Variants in SLC39A11 observed in about 807,000 individuals in gnomAD.
The protein encoded by SLC39A11 is zinc transporter ZIP11.
In SLC39A11, 33 loss-of-function variants were observed where a neutral mutation model predicts 36.1. The ratio of observed to expected loss-of-function variants is 0.91; its 90% confidence interval spans 0.69 to 1.22. The LOEUF is 1.22. Among genes scored for constraint, SLC39A11 ranks in the 50% most tolerant of loss-of-function variants. The probability of loss-of-function intolerance (pLI) is 0.00; values close to 1 mark genes in which losing one functional copy is unlikely to be tolerated. For missense variants in SLC39A11, 432 were observed against 430.3 expected, an observed-to-expected ratio of 1.00 and a Z score of -0.03; for synonymous variants, 166 against 170.3, an observed-to-expected ratio of 0.97 and a Z score of 0.20.
chr17:72,756,424 A>T (rs1287177193), intron 6 of SLC39A11, among the ~76,000 whole-genome samples: 1 of 152,252 alleles, frequency 6.6e-6, no homozygotes, highest in Non-Finnish European at 1.5e-5. Flanking sequence ...AATGTGGTAT[A>T]TCCACACAAT....
chr17:73,004,383 G>A (rs1347710751), intron 4 of SLC39A11, among the ~76,000 whole-genome samples: 2 of 152,140 alleles, frequency 1.3e-5, no homozygotes, highest in Non-Finnish European at 2.9e-5. Context: ...CCAGAGGGCC[G>A]TCTTCTTGCC....
chr17:72,971,085 T>A lies in SLC39A11; in HGVS notation c.307-23210A>T, dbSNP rs769935524. Among the ~76,000 whole-genome samples the A allele has an allele frequency of 2.0e-5, 3 of 152,160 alleles. No individual in the cohort carries two copies. In the East Asian group the frequency reaches 5.8e-4, roughly 29 times the overall value. ...CTCTGAATCACCCAGACCTCTTGTTTCTCCAATTCCCTGCTTTCTGATCAG... is the reference window on the plus strand; with the variant it reads ...CTCTGAATCACCCAGACCTCTTGTTACTCCAATTCCCTGCTTTCTGATCAG... On this transcript the variant is annotated intron_variant, in intron 4 of 9. Coordinates refer to ENST00000255559, the MANE Select transcript of SLC39A11 (RefSeq NM_139177.4).
At chr17:72,655,477 C>T (rs571978390) in intron 7 of SLC39A11, among the ~76,000 whole-genome samples, 7 of 152,322 alleles carry the variant, frequency 4.6e-5, no homozygotes, top group South Asian at 4.1e-4. Context: ...GGTTTATTGC[C>T]GTGGCATTGG....
At chr17:72,776,138 G>A (rs1205079995) in intron 6 of SLC39A11, among the ~76,000 whole-genome samples, 4 of 152,198 alleles carry the variant, frequency 2.6e-5, no homozygotes, top group Non-Finnish European at 5.9e-5. Context: ...GTGCCAGATG[G>A]CGGATTGGAG....
rs553034462 is a variant in SLC39A11, at chr17:72,873,505, T to C, written c.431-23701A>G. Among the ~76,000 whole-genome samples the C allele has an allele frequency of 4.9e-4, 74 of 152,228 alleles. 1 individual carries two copies. Among genetic ancestry groups the C allele is most frequent in the Non-Finnish European group, 1.0e-3 (68 of 68,040 alleles). ...TCAAACTCTTTCTCTTCTGCAACTC[T>C]TGCCATTAAGTGTTTGGCTTTTCTG... On this transcript the variant is annotated intron_variant, in intron 5 of 9. Coordinates refer to ENST00000255559, the MANE Select transcript of SLC39A11 (RefSeq NM_139177.4).
At chr17:72,784,920 T>C (rs8074502) in intron 6 of SLC39A11, among the ~76,000 whole-genome samples, 27,202 of 150,370 alleles carry the variant, frequency 0.18, 3,548 homozygotes, top group African/African-American at 0.37. Context: ...AGTGCAGTGG[T>C]GCAATCTTGG....
At chr17:72,992,494 A>AT (rs2089243192) in intron 4 of SLC39A11, among the ~76,000 whole-genome samples, 1 of 152,116 alleles carries the variant, frequency 6.6e-6, no homozygotes, top group African/African-American at 2.4e-5. Flanking sequence ...AGTTTGTTCA[A>AT]TTTTTTTACT....
In SLC39A11 at chr17:72,709,155, G is replaced by A. The variant is rs146529503; in HGVS notation, c.671+27495C>T. 7.4e-3 allele frequency among the ~76,000 whole-genome samples: 1,120 copies of A among 152,262 alleles called. 7 individuals are homozygous for A. The highest frequency in any genetic ancestry group is 0.023 in the African/African-American group (949 of 41,548). On this transcript the variant is annotated intron_variant, in intron 7 of 9. Coordinates refer to ENST00000255559, the MANE Select transcript of SLC39A11 (RefSeq NM_139177.4). ...GGGTTTCACCATCTTAGCCAGGATC[G>A]TCTCAATCTTCTGACCTCGTGATCC...
chr17:72,740,253 C>T (rs557679897), intron 6 of SLC39A11, among the ~76,000 whole-genome samples: 8 of 151,670 alleles, frequency 5.3e-5, no homozygotes, highest in South Asian at 2.1e-4. Flanking sequence ...TTAGTAGAGA[C>T]GGGGTTTCAC....
rs553645813 is a variant in SLC39A11, at chr17:73,033,552, G to A, written c.148-1838C>T. ...GAGCCCAGGAGTTCAAGGCCAGCCT[G>A]GGCAACATAGCGAGACTCTGCCTCT... is the stretch of plus-strand genomic sequence containing the variant. On this transcript the variant is annotated intron_variant, in intron 3 of 9. Coordinates refer to ENST00000255559, the MANE Select transcript of SLC39A11 (RefSeq NM_139177.4). Among the ~76,000 whole-genome samples the A allele has an allele frequency of 1.2e-4, 19 of 152,244 alleles. No individual in the cohort carries two copies. The South Asian group carries it at 3.7e-3, about 30-fold the overall frequency.
intron 5 of SLC39A11, among the ~76,000 whole-genome samples, chr17:72,862,077 T>C (rs1475180992): frequency 1.3e-5 from 2 of 151,978 alleles, no homozygotes; most frequent in Non-Finnish European, 1.5e-5. Context: ...GGGAAATACA[T>C]CTCTTTCTCT....
chr17:72,988,842 G>A (rs1315360414), intron 4 of SLC39A11, among the ~76,000 whole-genome samples: 2 of 152,102 alleles, frequency 1.3e-5, no homozygotes, highest in Admixed American at 6.6e-5. Flanking sequence ...CTGAGTAGCT[G>A]GGATTACAGG....
chr17:73,077,367 G>A (rs1013880739), intron 3 of SLC39A11, among the ~76,000 whole-genome samples: 1 of 152,202 alleles, frequency 6.6e-6, no homozygotes, highest in Admixed American at 6.5e-5. Context: ...GCCCAGGCTG[G>A]AGTGCAATGG....
chr17:72,951,097 T>TAA (rs761429572), intron 4 of SLC39A11, among the ~76,000 whole-genome samples: 3,197 of 139,422 alleles, frequency 0.023, 90 homozygotes, highest in East Asian at 0.12. Context: ...CCCCATTTCT[T>TAA]AAAAAAAAAA....
At chr17:72,918,757 G>C (rs776353788) in intron 5 of SLC39A11, among the ~76,000 whole-genome samples, 2 of 152,068 alleles carry the variant, frequency 1.3e-5, no homozygotes, top group African/African-American at 2.4e-5. Context: ...AAGGGCCCCC[G>C]GCCAGCCTTA....
chr17:72,759,563 G>A (rs914096664), intron 6 of SLC39A11, among the ~76,000 whole-genome samples: 3 of 152,160 alleles, frequency 2.0e-5, no homozygotes, highest in Non-Finnish European at 2.9e-5. Flanking sequence ...CTGGTTGAGT[G>A]GCTACTCAGT....
intron 5 of SLC39A11, among the ~76,000 whole-genome samples, chr17:72,914,419 A>G (rs1031714235): frequency 1.3e-5 from 2 of 152,248 alleles, no homozygotes; most frequent in African/African-American, 4.8e-5. Context: ...ATATAGTATT[A>G]GGTATGATAA....
chr17:72,968,806 A>G (rs1033614844), intron 4 of SLC39A11, among the ~76,000 whole-genome samples: 2 of 152,236 alleles, frequency 1.3e-5, no homozygotes, highest in African/African-American at 4.8e-5. Flanking sequence ...CGTGCGGACG[A>G]CACAATCCCT....
intron 4 of SLC39A11, among the ~76,000 whole-genome samples, chr17:72,986,355 CA>C (rs1419854217): frequency 2.0e-5 from 3 of 152,178 alleles, no homozygotes; most frequent in Non-Finnish European, 4.4e-5. Flanking sequence ...TGGTGGTTGC[CA>C]AGCCTGGCCA....
Sources: gnomAD v4.1 joint callset for allele counts (sites outside exome capture counted in the v4.1 genomes callset) on GRCh38, gnomAD v4.1.1 for gene constraint, MANE v1.5 for transcripts, NCBI Gene and HGNC (gene_info 2026-07-23, HGNC 2026-07-21) for gene names.